The following PEX5L variants were observed in gnomAD, a reference collection of about 807,000 sequenced individuals.
PEX5L encodes PEX5-related protein.
A neutral mutation model predicts 84.0 loss-of-function variants in PEX5L; 30 were observed. The ratio of observed to expected loss-of-function variants is 0.36; its 90% CI spans 0.27 to 0.48. The LOEUF is 0.48. PEX5L is among the 20% of genes least tolerant of loss of function. The pLI, the probability that PEX5L is intolerant of heterozygous loss-of-function variation, is 0.99. For missense variants in PEX5L, 533 were observed against 754.6 expected, an observed-to-expected ratio of 0.71 and a Z score of 3.44; for synonymous variants, 270 against 283.1, an observed-to-expected ratio of 0.95 and a Z score of 0.46.
At chr3:179,844,081 C>A (rs1738312139) in intron 8 of PEX5L, among the ~76,000 whole-genome samples, 1 of 152,184 alleles carries the variant, frequency 6.6e-6, no homozygotes, top group Non-Finnish European at 1.5e-5. Context: ...CTCATGTGAC[C>A]ACTTCACTTC....
chr3:179,879,859 G>A, intron 5 of PEX5L, 70 bp downstream of exon 5: 1 of 1,105,962 alleles, frequency 9.0e-7, no homozygotes, highest in Middle Eastern at 2.3e-4. Context: ...TGCCATTGGT[G>A]GAAATTTCCT....
Position 179,940,332 on chromosome 3 carries a change from AGGT to A in PEX5L, c.93+31259_93+31261del, listed in dbSNP as rs202159367. Among the ~76,000 whole-genome samples the A allele has an allele frequency of 6.2e-4, 94 of 151,868 alleles. 2 individuals are homozygous for A. The East Asian group carries it at 0.015, about 24-fold the overall frequency. On this transcript the variant is annotated intron_variant, in intron 2 of 14. Transcript: ENST00000467460. ...GAGAAAGCTGGGAAGAGAAAGAAAG[AGGT>A]GGTGAGAGAGAGAGAAGAGTGAAAT...
chr3:179,926,880 A>G (rs1166558908), intron 2 of PEX5L, among the ~76,000 whole-genome samples: 1 of 152,240 alleles, frequency 6.6e-6, no homozygotes. Flanking sequence ...GTCACCATCC[A>G]AAACAATTTT....
intron 2 of PEX5L, among the ~76,000 whole-genome samples, chr3:179,930,305 A>G (rs1190163290): frequency 6.6e-6 from 1 of 152,132 alleles, no homozygotes; most frequent in Non-Finnish European, 1.5e-5. Context: ...CTTCCTTTCC[A>G]GAGGCTTAAA....
intron 1 of PEX5L, among the ~76,000 whole-genome samples, chr3:179,993,034 A>G (rs1787531483): frequency 6.6e-6 from 1 of 151,712 alleles, no homozygotes; most frequent in Admixed American, 6.6e-5. Flanking sequence ...TTAAAAAAAA[A>G]CTCCCCCCCG....
intron 2 of PEX5L, among the ~76,000 whole-genome samples, chr3:179,931,010 ATACC>A (rs1208693611): frequency 6.6e-6 from 1 of 152,234 alleles, no homozygotes; most frequent in African/African-American, 2.4e-5. Flanking sequence ...AAGACAGTAC[ATACC>A]TAAGAAATGT....
chr3:179,960,181 C>T (rs902586326), intron 2 of PEX5L, among the ~76,000 whole-genome samples: 1 of 152,196 alleles, frequency 6.6e-6, no homozygotes, highest in Non-Finnish European at 1.5e-5. Flanking sequence ...TTGGTCAGAA[C>T]TATGAGGAGG....
chr3:179,978,361 C>A (rs898312411), intron 1 of PEX5L, among the ~76,000 whole-genome samples: 1 of 152,128 alleles, frequency 6.6e-6, no homozygotes, highest in Admixed American at 6.5e-5. Context: ...ACATCATTGT[C>A]CAGTGACATT....
intron 1 of PEX5L, among the ~76,000 whole-genome samples, chr3:179,980,956 G>A (rs1449706458): frequency 1.3e-5 from 2 of 151,896 alleles, no homozygotes; most frequent in African/African-American, 2.4e-5. Context: ...GCCTGGAGGC[G>A]GAGGTTGCAG....
chr3:179,887,586 A>G (rs1756298804), intron 4 of PEX5L, 87 bp downstream of exon 4: 1 of 837,792 alleles, frequency 1.2e-6, no homozygotes, highest in Non-Finnish European at 2.0e-6. Context: ...TTCTTTCCTC[A>G]CTTAAAATGT....
chr3:179,994,271 C>T (rs1277981240), intron 1 of PEX5L, among the ~76,000 whole-genome samples: 1 of 152,222 alleles, frequency 6.6e-6, no homozygotes, highest in African/African-American at 2.4e-5. Flanking sequence ...TAAGCTGCTA[C>T]ATTTTTGGAA....
chr3:179,866,393 C>G (rs1444203961), intron 7 of PEX5L, among the ~76,000 whole-genome samples: 1 of 152,164 alleles, frequency 6.6e-6, no homozygotes, highest in Non-Finnish European at 1.5e-5. Flanking sequence ...AGGCCAAATC[C>G]TGGTTTACCA....
At chr3:179,934,398 A>T (rs563224124) in intron 2 of PEX5L, among the ~76,000 whole-genome samples, 2 of 152,346 alleles carry the variant, frequency 1.3e-5, no homozygotes, top group South Asian at 4.1e-4. Context: ...ATCATTTATG[A>T]AGCCTCTGTT....
At chr3:179,891,567 C>T (rs944034380) in intron 3 of PEX5L, among the ~76,000 whole-genome samples, 80 of 152,086 alleles carry the variant, frequency 5.3e-4, no homozygotes, top group Non-Finnish European at 8.8e-5. Flanking sequence ...TATTTATATC[C>T]TTCACAACTT....
intron 2 of PEX5L, among the ~76,000 whole-genome samples, chr3:179,954,391 G>GT (rs11379383): frequency 0.91 from 139,220 of 152,164 alleles, 63,756 homozygotes; most frequent in South Asian, 0.97. Flanking sequence ...ATTTTCATGT[G>GT]TTCTTATGTT....
intron 2 of PEX5L, among the ~76,000 whole-genome samples, chr3:179,910,293 C>T (rs1021143966): frequency 1.3e-5 from 2 of 152,218 alleles, no homozygotes; most frequent in African/African-American, 4.8e-5. Flanking sequence ...TGTGCTTTCT[C>T]TCACCAAATG....
chr3:180,026,932 C>T (rs1044613548), intron 1 of PEX5L, among the ~76,000 whole-genome samples: 3 of 152,162 alleles, frequency 2.0e-5, no homozygotes. Flanking sequence ...TGGTGAGAAG[C>T]CAATATGCAC....
chr3:180,036,293 T>C (rs1470658357), intron 1 of PEX5L, among the ~76,000 whole-genome samples: 1 of 152,066 alleles, frequency 6.6e-6, no homozygotes, highest in Admixed American at 6.6e-5. Context: ...ATCTCTAGGG[T>C]TTCCTCTGTT....
chr3:180,032,031 C>T (rs1006937799), intron 1 of PEX5L, among the ~76,000 whole-genome samples: 5 of 152,144 alleles, frequency 3.3e-5, no homozygotes, highest in Admixed American at 1.3e-4. Flanking sequence ...GCCAGTATGG[C>T]TGGGGAATGA....
Sources: gnomAD v4.1 joint callset for allele counts (sites outside exome capture counted in the v4.1 genomes callset) on GRCh38, gnomAD v4.1.1 for gene constraint, MANE v1.5 for transcripts, NCBI Gene and HGNC (gene_info 2026-07-23, HGNC 2026-07-21) for gene names.